Variants in PLA2G4E observed in about 807,000 individuals in gnomAD.
PLA2G4E encodes cytosolic phospholipase A2 epsilon.
PLA2G4E carries 84 observed loss-of-function variants against 109.1 expected under a neutral mutation model. The observed-to-expected ratio is 0.77, with a 90% CI of 0.65 to 0.92. The LOEUF (loss-of-function observed/expected upper bound fraction) is 0.92, where lower values mean the gene tolerates loss of function less well. Among genes scored for constraint, PLA2G4E ranks in the 40% least tolerant of loss-of-function variants. PLA2G4E has a pLI of 0.00. For synonymous variants in PLA2G4E, 469 were observed against 436.1 expected, an observed-to-expected ratio of 1.08 and a Z score of -0.94; for missense variants, 1,057 against 1,076.6, an observed-to-expected ratio of 0.98 and a Z score of 0.25.
intron 1 of PLA2G4E, among the ~76,000 whole-genome samples, chr15:42,028,991 G>T (rs915433111): frequency 2.6e-5 from 4 of 152,072 alleles, no homozygotes; most frequent in African/African-American, 9.7e-5. Context: ...TCCAATGTAG[G>T]TAATGTTTGT....
chr15:42,036,605 G>T (rs1156905757), intron 1 of PLA2G4E, among the ~76,000 whole-genome samples: 1 of 152,114 alleles, frequency 6.6e-6, no homozygotes, highest in Non-Finnish European at 1.5e-5. Flanking sequence ...CTGGGCCAGG[G>T]CCTGCCATCC....
At chr15:42,015,505 C>T (rs1210396808) in intron 1 of PLA2G4E, among the ~76,000 whole-genome samples, 1 of 152,234 alleles carries the variant, frequency 6.6e-6, no homozygotes, top group Non-Finnish European at 1.5e-5. Flanking sequence ...CTCTGTTGCT[C>T]TGAGAGTGCC....
exon 8 of PLA2G4E, chr15:42,000,239 G>T (rs1251618610): frequency 6.3e-7 from 1 of 1,581,284 alleles, no homozygotes; most frequent in South Asian, 1.2e-5. Context: ...GGACACGCTG[G>T]GTGTTCTCAA....
At chr15:41,997,413 G>A (rs984778829) in intron 10 of PLA2G4E, 154 bp from the exon 11 acceptor site, 5 of 803,082 alleles carry the variant, frequency 6.2e-6, no homozygotes, top group Non-Finnish European at 5.5e-6. Context: ...TGTAAAGTGG[G>A]GCGAATCGTG....
At chr15:42,016,742 A>G (rs1483861508) in intron 1 of PLA2G4E, among the ~76,000 whole-genome samples, 1 of 152,210 alleles carries the variant, frequency 6.6e-6, no homozygotes, top group African/African-American at 2.4e-5. Context: ...CTGCCTTAAA[A>G]CCAGGACAAA....
chr15:42,033,896 C>T (rs1391546750), intron 1 of PLA2G4E, among the ~76,000 whole-genome samples: 1 of 152,190 alleles, frequency 6.6e-6, no homozygotes, highest in Non-Finnish European at 1.5e-5. Flanking sequence ...GTGCAAATGA[C>T]ACTTCACCTC....
chr15:42,045,575 G>A (rs1010033245), intron 1 of PLA2G4E, among the ~76,000 whole-genome samples: 2 of 152,164 alleles, frequency 1.3e-5, no homozygotes, highest in Non-Finnish European at 2.9e-5. Flanking sequence ...GAAAGATAAC[G>A]GGATGTTTAT....
At chr15:41,983,326 C>T (rs752901808) in exon 20 of PLA2G4E, 7 of 173,218 alleles carry the variant, frequency 4.0e-5, no homozygotes, top group Non-Finnish European at 7.4e-5. Flanking sequence ...TCCAGTGAAA[C>T]GCCGAGTGCC....
At chr15:42,025,934 T>A (rs1300695626) in intron 1 of PLA2G4E, among the ~76,000 whole-genome samples, 1 of 152,160 alleles carries the variant, frequency 6.6e-6, no homozygotes, top group Non-Finnish European at 1.5e-5. Context: ...TAAAATGAAA[T>A]GTGAGAGTAC....
Position 42,023,990 on chromosome 15 carries a change from G to A in PLA2G4E, c.184-10233C>T, listed in dbSNP as rs181625977. 1.5e-3 allele frequency among the ~76,000 whole-genome samples: 222 copies of A among 152,288 alleles called. 3 individuals are homozygous for A. Among genetic ancestry groups the A allele is most frequent in the South Asian group, 6.0e-3 (29 of 4,822 alleles). On this transcript the variant is annotated intron_variant, in intron 1 of 19. Coordinates refer to ENST00000399518, the Ensembl canonical transcript of PLA2G4E. Reference sequence around the variant, plus strand: ...ACTGATCTACTGGAAAGTATTTACCGACTGCCTGCTGGGTGCCCATCTCTG... The same window carrying A: ...ACTGATCTACTGGAAAGTATTTACCAACTGCCTGCTGGGTGCCCATCTCTG...
intron 5 of PLA2G4E, among the ~76,000 whole-genome samples, chr15:42,003,564 T>A (rs994334046): frequency 2.6e-5 from 4 of 152,226 alleles, no homozygotes; most frequent in African/African-American, 9.6e-5. Context: ...AAATCAAGAA[T>A]TGGAGGGGAG....
chr15:42,004,896 T>C (rs962377543), intron 5 of PLA2G4E, 42 bp downstream of exon 5: 2 of 1,602,426 alleles, frequency 1.2e-6, no homozygotes, highest in Admixed American at 1.7e-5. Context: ...AGCTACTTGA[T>C]GGCCAGGACC....
Position 41,984,427 on chromosome 15 carries a change from G to A in PLA2G4E, c.2386+9C>T. The A allele has an allele frequency of 6.2e-7, 1 of 1,607,342 alleles. No homozygotes were observed. The highest frequency in any genetic ancestry group is 8.5e-7 in the Non-Finnish European group (1 of 1,175,742). The stretch of plus-strand genomic sequence containing the variant: ...CAGGTGCTGGGAACTGAGCACAGAG[G>A]CAGCTCACCTGGTGCCTTGTATTTT... On this transcript the variant is annotated intron_variant, in intron 19 of 19. Transcript: ENST00000399518.
intron 1 of PLA2G4E, among the ~76,000 whole-genome samples, chr15:42,050,032 A>G (rs1318387348): frequency 6.6e-6 from 1 of 152,196 alleles, no homozygotes; most frequent in Non-Finnish European, 1.5e-5. Flanking sequence ...TCTGACTCGC[A>G]TGGAATTACA....
intron 18 of PLA2G4E, 58 bp downstream of exon 18, chr15:41,985,781 C>T (rs1251659202): frequency 1.3e-5 from 20 of 1,541,948 alleles, no homozygotes; most frequent in African/African-American, 9.6e-5. Flanking sequence ...CCACTGACTG[C>T]GGGGCCCATC....
intron 19 of PLA2G4E, 27 bp downstream of exon 19, chr15:41,984,409 T>C (rs1427536072): frequency 6.3e-7 from 1 of 1,592,882 alleles, no homozygotes; most frequent in South Asian, 1.1e-5. Flanking sequence ...CAGCAGGTGC[T>C]GGGAACTGAG....
chr15:42,007,613 G>A (rs2068489376), intron 3 of PLA2G4E, 116 bp downstream of exon 3: 4 of 1,301,048 alleles, frequency 3.1e-6, no homozygotes, highest in Non-Finnish European at 4.3e-6. Context: ...AGGACAAGAA[G>A]TAGGCAGAAA....
At chr15:41,997,323 TC>T in intron 10 of PLA2G4E, 64 bp from the exon 11 acceptor site, 2 of 1,446,900 alleles carry the variant, frequency 1.4e-6, no homozygotes, top group Non-Finnish European at 1.8e-6. Flanking sequence ...AGACACAGCT[TC>T]AGGGTCCATT....
At chr15:42,038,692 G>A (rs938914291) in intron 1 of PLA2G4E, among the ~76,000 whole-genome samples, 7 of 152,202 alleles carry the variant, frequency 4.6e-5, no homozygotes, top group Admixed American at 3.9e-4. Context: ...AATTGACTAT[G>A]GTAAGGGAGA....
Sources: gnomAD v4.1 joint callset for allele counts (sites outside exome capture counted in the v4.1 genomes callset) on GRCh38, gnomAD v4.1.1 for gene constraint, MANE v1.5 for transcripts, NCBI Gene and HGNC (gene_info 2026-07-23, HGNC 2026-07-21) for gene names.